LRRC4C: variants seen among roughly 807,000 people sequenced by gnomAD.
LRRC4C encodes leucine-rich repeat-containing protein 4C.
Under a neutral mutation model 33.6 loss-of-function variants are expected in LRRC4C, and 5 were observed. That is an observed-to-expected ratio of 0.15 (90% confidence interval 0.08 to 0.31). The LOEUF (loss-of-function observed/expected upper bound fraction) is 0.31, where lower values mean the gene tolerates loss of function less well. Among genes scored for constraint, LRRC4C ranks in the 10% least tolerant of loss-of-function variants. The probability of loss-of-function intolerance (pLI) is 1.00; values close to 1 mark genes in which losing one functional copy is unlikely to be tolerated. For missense variants in LRRC4C, 560 were observed against 796.7 expected (o/e 0.70, Z 3.58); for synonymous variants, 329 against 302.0 (o/e 1.09, Z -0.93).
At chr11:40,516,009 T>C (rs1955544876) in intron 3 of LRRC4C, among the ~76,000 whole-genome samples, 1 of 152,078 alleles carries the variant, frequency 6.6e-6, no homozygotes, top group African/African-American at 2.4e-5. Context: ...AAAAAGAGGT[T>C]TGAGATTATA....
intron 1 of LRRC4C, among the ~76,000 whole-genome samples, chr11:41,288,205 G>A (rs1949889287): frequency 6.6e-6 from 1 of 152,138 alleles, no homozygotes; most frequent in South Asian, 2.1e-4. Context: ...AAAACATTTT[G>A]CTTTCAAGAA....
chr11:40,673,087 A>G (rs1944214626), intron 2 of LRRC4C, among the ~76,000 whole-genome samples: 1 of 152,084 alleles, frequency 6.6e-6, no homozygotes, highest in African/African-American at 2.4e-5. Flanking sequence ...TATGCATATT[A>G]TTTAATGGAG....
chr11:41,455,339 T>C (rs1956143645), intron 1 of LRRC4C, among the ~76,000 whole-genome samples: 2 of 152,108 alleles, frequency 1.3e-5, no homozygotes, highest in African/African-American at 4.8e-5. Flanking sequence ...TCTTACATTT[T>C]CTGGATATCC....
intron 1 of LRRC4C, among the ~76,000 whole-genome samples, chr11:41,041,420 G>T (rs1486268032): frequency 6.6e-6 from 1 of 152,122 alleles, no homozygotes. Context: ...ACTACATACA[G>T]GCATTCAGAG....
At chr11:41,113,771 C>G (rs1941972518) in intron 1 of LRRC4C, among the ~76,000 whole-genome samples, 1 of 151,918 alleles carries the variant, frequency 6.6e-6, no homozygotes, top group African/African-American at 2.4e-5. Context: ...AGATTTATAC[C>G]TTATTGTTTC....
intron 1 of LRRC4C, among the ~76,000 whole-genome samples, chr11:41,303,862 T>C (rs1439926164): frequency 2.5e-5 from 1 of 39,410 alleles, no homozygotes; most frequent in Non-Finnish European, 5.3e-5. Context: ...AATCACCCCG[T>C]CTGAGAAGTG....
intron 2 of LRRC4C, among the ~76,000 whole-genome samples, chr11:40,814,934 C>T (rs1951644938): frequency 6.6e-6 from 1 of 152,100 alleles, no homozygotes. Flanking sequence ...TCCAAACATT[C>T]CCATATTTTT....
chr11:40,135,345 AT>A (rs756535538), intron 6 of LRRC4C, among the ~76,000 whole-genome samples: 6 of 152,154 alleles, frequency 3.9e-5, no homozygotes, highest in Admixed American at 6.5e-5. Flanking sequence ...TTTTTGCACA[AT>A]TCCTATATTT....
intron 1 of LRRC4C, among the ~76,000 whole-genome samples, chr11:41,138,695 G>A (rs1943372744): frequency 6.6e-6 from 1 of 152,024 alleles, no homozygotes; most frequent in African/African-American, 2.4e-5. Flanking sequence ...CTTTTATGAT[G>A]GTTTCAATTT....
At chr11:40,143,593 A>T (rs1305467800) in intron 5 of LRRC4C, among the ~76,000 whole-genome samples, 2 of 152,122 alleles carry the variant, frequency 1.3e-5, no homozygotes, top group Non-Finnish European at 2.9e-5. Flanking sequence ...CCATGACAAC[A>T]GTGCCACCTT....
intron 1 of LRRC4C, among the ~76,000 whole-genome samples, chr11:41,199,395 G>GA (rs1385542846): frequency 2.0e-5 from 3 of 151,988 alleles, no homozygotes; most frequent in African/African-American, 7.2e-5. Context: ...AGGGAAGAAA[G>GA]AAAAAACTAA....
chr11:40,140,441 A>T (rs994141544), intron 6 of LRRC4C, among the ~76,000 whole-genome samples: 8 of 152,292 alleles, frequency 5.3e-5, no homozygotes, highest in Non-Finnish European at 1.0e-4. Flanking sequence ...ATACTCTTAT[A>T]AAATATTTAG....
At chr11:40,174,173 A>C (rs1860278655) in intron 5 of LRRC4C, among the ~76,000 whole-genome samples, 1 of 152,200 alleles carries the variant, frequency 6.6e-6, no homozygotes, top group Non-Finnish European at 1.5e-5. Flanking sequence ...GCTAGATAAT[A>C]TCGTATTTAT....
intron 1 of LRRC4C, among the ~76,000 whole-genome samples, chr11:41,410,307 G>T (rs968644575): frequency 2.0e-5 from 3 of 151,974 alleles, no homozygotes; most frequent in African/African-American, 7.3e-5. Context: ...AATCATTTTG[G>T]CACCTAGTTT....
intron 1 of LRRC4C, among the ~76,000 whole-genome samples, chr11:41,231,297 A>G (rs1947782487): frequency 1.3e-5 from 2 of 152,126 alleles, no homozygotes; most frequent in Non-Finnish European, 1.5e-5. Flanking sequence ...TCATGCTGCT[A>G]TAAAGACACA....
chr11:40,586,900 A>T (rs1353016404), intron 3 of LRRC4C, among the ~76,000 whole-genome samples: 4 of 152,174 alleles, frequency 2.6e-5, no homozygotes, highest in Non-Finnish European at 5.9e-5. Context: ...GTTTGAAGTC[A>T]GGTAGAGTGA....
chr11:40,707,604 T>C (rs1224588567), intron 2 of LRRC4C, among the ~76,000 whole-genome samples: 2 of 152,188 alleles, frequency 1.3e-5, no homozygotes, highest in Admixed American at 1.3e-4. Flanking sequence ...CTGCTGGATT[T>C]GGTTTGCCAG....
chr11:41,047,654 C>A (rs1857875965), intron 1 of LRRC4C, among the ~76,000 whole-genome samples: 2 of 152,172 alleles, frequency 1.3e-5, no homozygotes, highest in African/African-American at 4.8e-5. Context: ...ATTCCTTGCT[C>A]CAGAAATGCT....
chr11:40,965,276 T>C lies in LRRC4C; in HGVS notation c.-495-31553A>G, dbSNP rs543104531. On this transcript the variant is annotated intron_variant, in intron 1 of 6. Transcript: ENST00000528697. ...GTAGATTCTGGATATTAGCCCTTTG[T>C]CAGATTAGTAGGTTACAAAAATTTT... Among the ~76,000 whole-genome samples the C allele has an allele frequency of 2.4e-3, 359 of 152,306 alleles. 2 individuals are homozygous for C. Among genetic ancestry groups the C allele is most frequent in the African/African-American group, 8.2e-3 (343 of 41,576 alleles).
Sources: allele counts gnomAD v4.1 joint callset (sites outside exome capture counted in the v4.1 genomes callset), GRCh38; gene constraint gnomAD v4.1.1; transcripts MANE v1.5; gene names NCBI Gene and HGNC (gene_info 2026-07-23, HGNC 2026-07-21).